SSH2: variants seen among roughly 807,000 people sequenced by gnomAD.
SSH2 encodes the protein slingshot protein phosphatase 2, also known as protein phosphatase Slingshot homolog 2.
A neutral mutation model predicts 135.2 loss-of-function variants in SSH2; 37 were observed. The observed-to-expected ratio is 0.27, with a 90% confidence interval of 0.21 to 0.36. The LOEUF is 0.36. Among genes scored for constraint, SSH2 ranks in the 10% least tolerant of loss-of-function variants. The pLI, the probability that SSH2 is intolerant of heterozygous loss-of-function variation, is 1.00. For synonymous variants in SSH2, 628 were observed against 646.2 expected (o/e 0.97, Z 0.43); for missense variants, 1,408 against 1,765.3 (o/e 0.80, Z 3.63).
chr17:29,726,889 A>C (rs1332307868), intron 3 of SSH2, among the ~76,000 whole-genome samples: 1 of 152,068 alleles, frequency 6.6e-6, no homozygotes, highest in Non-Finnish European at 1.5e-5. Context: ...CACCATCTCA[A>C]TTTTGTCTTA....
chr17:29,854,956 C>T (rs1217675237), intron 1 of SSH2, among the ~76,000 whole-genome samples: 1 of 151,936 alleles, frequency 6.6e-6, no homozygotes, highest in African/African-American at 2.4e-5. Context: ...AAAAAACAAA[C>T]AAACAAACAA....
At chr17:29,819,877 C>T (rs1367694866) in intron 2 of SSH2, among the ~76,000 whole-genome samples, 6 of 152,160 alleles carry the variant, frequency 3.9e-5, no homozygotes, top group African/African-American at 1.4e-4. Flanking sequence ...TTTAGAACAA[C>T]TGCAATGAAT....
rs887626088 is a variant in SSH2, at chr17:29,696,187, A to T, written c.293-664T>A. Among the ~76,000 whole-genome samples the T allele has an allele frequency of 5.5e-5, 7 of 128,008 alleles. No homozygotes were observed. The Admixed American group carries it at 5.7e-4, about 10-fold the overall frequency. The allele number at this position is 128,008 out of a possible 152,430, so 84.0% of individuals were successfully genotyped here. On this transcript the variant is annotated intron_variant, in intron 4 of 15. Coordinates refer to ENST00000540801, the MANE Select transcript of SSH2 (RefSeq NM_001282129.2). ...TATGTATATATATACACACACACAC[A>T]CACACACACACACACACACACATAT...
At chr17:29,648,010 T>C (rs2150995327) in intron 14 of SSH2, 134 bp downstream of exon 14, 6 of 863,932 alleles carry the variant, frequency 6.9e-6, no homozygotes, top group Non-Finnish European at 1.1e-5. Flanking sequence ...GAAAACTGGA[T>C]TGATAGAGAA....
Position 29,930,167 on chromosome 17 carries a change from T to A in SSH2, c.-167A>T, listed in dbSNP as rs1293391225. On this transcript the variant is annotated 5_prime_UTR_variant, in exon 1 of 16. Coordinates refer to ENST00000540801, the MANE Select transcript of SSH2 (RefSeq NM_001282129.2). ...GCAGACTCCGCACCCACCACCAGAC[T>A]GTCGCCGACTGACGCTCCGAACGGG... 44 of 613,148 alleles carry A rather than the reference T, an allele frequency of 7.2e-5. No individual in the cohort carries two copies. The East Asian group carries it at 1.3e-3, about 18-fold the overall frequency. The allele number at this position is 613,148 out of a possible 1,614,324, so 38.0% of individuals were successfully genotyped here. A position where few individuals can be genotyped will look rare whatever the true frequency, so the allele number is the denominator to read the frequency against.
intron 11 of SSH2, among the ~76,000 whole-genome samples, chr17:29,657,582 T>TTTTG (rs1555605169): frequency 1.4e-5 from 2 of 141,616 alleles, no homozygotes; most frequent in Admixed American, 7.1e-5. Flanking sequence ...TTGTTTTTTT[T>TTTTG]TTTTTTTTTT....
At chr17:29,671,576 C>G (rs552632485) in intron 9 of SSH2, among the ~76,000 whole-genome samples, 1 of 152,334 alleles carries the variant, frequency 6.6e-6, no homozygotes, top group South Asian at 2.1e-4. Context: ...TTGAAAGCTT[C>G]TTTATATCAC....
In SSH2 at chr17:29,809,133, A is replaced by T. The variant is rs138862237; in HGVS notation, c.145-15196T>A. ...GCCATGCGTGGTGGCACACGCCTGT[A>T]GTCCCAGCTACTCAGGAAGTTGAGG... On this transcript the variant is annotated intron_variant, in intron 2 of 15. Coordinates refer to ENST00000540801, the MANE Select transcript of SSH2 (RefSeq NM_001282129.2). Among the ~76,000 whole-genome samples the T allele has an allele frequency of 2.9e-3, 445 of 152,306 alleles. 3 individuals carry two copies. The highest frequency in any genetic ancestry group is 3.4e-3 in the Non-Finnish European group (233 of 68,034).
intron 3 of SSH2, among the ~76,000 whole-genome samples, chr17:29,751,510 G>A (rs936368819): frequency 6.6e-6 from 1 of 152,096 alleles, no homozygotes; most frequent in South Asian, 2.1e-4. Context: ...CAACGCAGTC[G>A]CTTATTATCA....
intron 5 of SSH2, among the ~76,000 whole-genome samples, chr17:29,693,211 G>T (rs963321912): frequency 6.6e-6 from 1 of 151,940 alleles, no homozygotes; most frequent in Non-Finnish European, 1.5e-5. Context: ...GCCTCCCAAA[G>T]TGCTAGGATT....
intron 1 of SSH2, among the ~76,000 whole-genome samples, chr17:29,870,668 T>C (rs551648037): frequency 2.0e-5 from 3 of 152,346 alleles, no homozygotes; most frequent in African/African-American, 7.2e-5. Context: ...AGGCATCTAC[T>C]GGGGTCTGTG....
chr17:29,746,690 C>A (rs553323118), intron 3 of SSH2, among the ~76,000 whole-genome samples: 1 of 151,816 alleles, frequency 6.6e-6, no homozygotes, highest in African/African-American at 2.4e-5. Flanking sequence ...AGAGGAGAGT[C>A]CTGAAGAAAT....
At chr17:29,722,341 C>A (rs150931833) in intron 3 of SSH2, among the ~76,000 whole-genome samples, 104 of 150,542 alleles carry the variant, frequency 6.9e-4, no homozygotes, top group African/African-American at 2.5e-3. Context: ...AAATCCTTCA[C>A]ACATGTTATA....
intron 3 of SSH2, among the ~76,000 whole-genome samples, chr17:29,786,040 G>A (rs1172054026): frequency 1.3e-5 from 2 of 151,996 alleles, no homozygotes; most frequent in African/African-American, 4.8e-5. Flanking sequence ...TCCTGACCTG[G>A]TGATCCACCC....
chr17:29,822,542 T>A (rs911289823), intron 2 of SSH2, among the ~76,000 whole-genome samples: 34 of 152,090 alleles, frequency 2.2e-4, no homozygotes, highest in African/African-American at 8.2e-4. Context: ...TTAAATTTTT[T>A]GTAGAGACGG....
intron 3 of SSH2, among the ~76,000 whole-genome samples, chr17:29,755,448 A>C (rs916638426): frequency 6.6e-6 from 1 of 152,146 alleles, no homozygotes; most frequent in Admixed American, 6.5e-5. Context: ...ACCTTAATCT[A>C]ATAATGATAA....
At chr17:29,848,972 G>A (rs1344809546) in intron 1 of SSH2, 43 bp from the exon 2 acceptor site, 8 of 1,365,408 alleles carry the variant, frequency 5.9e-6, no homozygotes, top group Non-Finnish European at 8.0e-6. Flanking sequence ...AAACGAATGG[G>A]CCCATAAGCA....
At chr17:29,841,540 G>GT (rs1227194038) in intron 2 of SSH2, among the ~76,000 whole-genome samples, 1 of 152,166 alleles carries the variant, frequency 6.6e-6, no homozygotes, top group Non-Finnish European at 1.5e-5. Context: ...TAGAAAGAAT[G>GT]TAAGTTAATT....
chr17:29,742,880 C>T (rs919092393), intron 3 of SSH2, among the ~76,000 whole-genome samples: 2 of 152,072 alleles, frequency 1.3e-5, no homozygotes, highest in Admixed American at 6.6e-5. Flanking sequence ...AGTGATCCGC[C>T]GACCTCAGCC....
Sources: allele counts gnomAD v4.1 joint callset (sites outside exome capture counted in the v4.1 genomes callset), GRCh38; gene constraint gnomAD v4.1.1; transcripts MANE v1.5; gene names NCBI Gene and HGNC (gene_info 2026-07-23, HGNC 2026-07-21).